The following SMCHD1 variants were observed in gnomAD, a reference collection of about 807,000 sequenced individuals.
The protein encoded by SMCHD1 is structural maintenance of chromosomes flexible hinge domain-containing protein 1.
SMCHD1 carries 78 observed loss-of-function variants against 254.7 expected under a neutral mutation model. That is an observed-to-expected ratio of 0.31 (90% CI 0.26 to 0.37). The LOEUF (loss-of-function observed/expected upper bound fraction) is 0.37, where lower values mean the gene tolerates loss of function less well. Ranked by LOEUF, SMCHD1 falls within the 10% of genes least tolerant of loss-of-function variation. The pLI is 1.00. For synonymous variants in SMCHD1, 766 were observed against 794.9 expected, an observed-to-expected ratio of 0.96 and a Z score of 0.61; for missense variants, 1,840 against 2,408.1, an observed-to-expected ratio of 0.76 and a Z score of 4.94.
At chr18:2,737,976 T>A (rs1007717055) in intron 25 of SMCHD1, among the ~76,000 whole-genome samples, 1 of 152,206 alleles carries the variant, frequency 6.6e-6, no homozygotes, top group Non-Finnish European at 1.5e-5. Context: ...TCAAACTTCT[T>A]TTTTCTCACC....
chr18:2,732,887 AACT>A (rs1184806662), intron 25 of SMCHD1, among the ~76,000 whole-genome samples: 1 of 152,220 alleles, frequency 6.6e-6, no homozygotes, highest in Non-Finnish European at 1.5e-5. Context: ...CAGTGTTGTT[AACT>A]ACAGAGCCTC....
chr18:2,723,621 A>G (rs1254577945), intron 20 of SMCHD1, among the ~76,000 whole-genome samples: 2 of 152,186 alleles, frequency 1.3e-5, no homozygotes, highest in East Asian at 1.9e-4. Context: ...GAGAGGTCTC[A>G]GTATCCATAT....
intron 3 of SMCHD1, among the ~76,000 whole-genome samples, chr18:2,670,794 G>T (rs1228879400): frequency 6.6e-6 from 1 of 151,280 alleles, no homozygotes; most frequent in African/African-American, 2.4e-5. Flanking sequence ...CCAACTACTC[G>T]AGAGGCTGAG....
intron 17 of SMCHD1, among the ~76,000 whole-genome samples, chr18:2,717,606 C>T (rs1403633993): frequency 2.6e-5 from 4 of 152,152 alleles, no homozygotes; most frequent in Admixed American, 2.0e-4. Flanking sequence ...TGAGCCACCA[C>T]GCTGGGCCTG....
intron 34 of SMCHD1, among the ~76,000 whole-genome samples, chr18:2,757,299 C>G (rs1598410418): frequency 6.6e-6 from 1 of 152,192 alleles, no homozygotes; most frequent in African/African-American, 2.4e-5. Context: ...CAGCCTTGAA[C>G]TCCTGGATTC....
intron 1 of SMCHD1, among the ~76,000 whole-genome samples, chr18:2,658,958 A>G (rs770767975): frequency 3.3e-5 from 5 of 151,848 alleles, no homozygotes; most frequent in Non-Finnish European, 7.4e-5. Context: ...ACACACATAT[A>G]TATATTTTTT....
chr18:2,757,495 G>A (rs1289641954), intron 34 of SMCHD1, among the ~76,000 whole-genome samples: 2 of 152,084 alleles, frequency 1.3e-5, no homozygotes. Flanking sequence ...TTACAGGCAT[G>A]AGCCACTGAG....
intron 39 of SMCHD1, among the ~76,000 whole-genome samples, chr18:2,770,768 ATG>A (rs2075964994): frequency 6.6e-6 from 1 of 152,132 alleles, no homozygotes; most frequent in Middle Eastern, 3.4e-3. Flanking sequence ...TTACAGGCAC[ATG>A]CCACCACGCC....
chr18:2,733,016 T>C (rs1175674488), intron 25 of SMCHD1, among the ~76,000 whole-genome samples: 1 of 152,218 alleles, frequency 6.6e-6, no homozygotes, highest in African/African-American at 2.4e-5. Flanking sequence ...CATTTGTACC[T>C]TGATAGGGTT....
intron 20 of SMCHD1, 30 bp from the exon 21 acceptor site, chr18:2,724,869 G>C: frequency 1.5e-6 from 2 of 1,364,934 alleles, no homozygotes; most frequent in Non-Finnish European, 2.0e-6. Context: ...GGCAATTGAG[G>C]GGAGTTAAAA....
At chr18:2,717,107 G>A (rs938505770) in intron 17 of SMCHD1, among the ~76,000 whole-genome samples, 1 of 152,166 alleles carries the variant, frequency 6.6e-6, no homozygotes, top group Non-Finnish European at 1.5e-5. Context: ...TGTGCAGCCC[G>A]CTGTGACTTA....
intron 17 of SMCHD1, among the ~76,000 whole-genome samples, chr18:2,714,690 C>T (rs567197044): frequency 2.6e-5 from 4 of 151,948 alleles, no homozygotes; most frequent in Non-Finnish European, 4.4e-5. Flanking sequence ...TAGTATTGAC[C>T]ATTTGTTTCC....
chr18:2,728,256 C>CAA, intron 22 of SMCHD1: 1 of 502,584 alleles, frequency 2.0e-6, no homozygotes, highest in Non-Finnish European at 3.5e-6. Flanking sequence ...GCATTTTATA[C>CAA]AATTGAGATA....
At chr18:2,703,574 T>C (rs2074450312) in intron 12 of SMCHD1, 118 bp from the exon 13 acceptor site, 1 of 757,604 alleles carries the variant, frequency 1.3e-6, no homozygotes, top group Non-Finnish European at 2.1e-6. Context: ...TTTAATTTTT[T>C]ATTAGGTTTT....
chr18:2,719,820 C>T (rs1255873714), intron 19 of SMCHD1, among the ~76,000 whole-genome samples: 2 of 152,030 alleles, frequency 1.3e-5, no homozygotes, highest in East Asian at 1.9e-4. Flanking sequence ...GGATTACAGG[C>T]GTATGCCACC....
At chr18:2,716,278 T>G (rs2074798078) in intron 17 of SMCHD1, among the ~76,000 whole-genome samples, 1 of 152,118 alleles carries the variant, frequency 6.6e-6, no homozygotes. Flanking sequence ...GTATGGACAA[T>G]TGTGGTAGTA....
At chr18:2,771,091 A>AAGTACTC (rs2075976415) in intron 39 of SMCHD1, among the ~76,000 whole-genome samples, 1 of 152,182 alleles carries the variant, frequency 6.6e-6, no homozygotes, top group South Asian at 2.1e-4. Flanking sequence ...GCTTGCCTCA[A>AAGTACTC]AGTACTCACT....
chr18:2,696,929 T>C (rs982051753), intron 8 of SMCHD1, 103 bp from the exon 9 acceptor site: 2 of 540,000 alleles, frequency 3.7e-6, no homozygotes, highest in Admixed American at 7.8e-5. Flanking sequence ...CTTAATAAAG[T>C]GCTTGATACC....
chr18:2,655,772 C>A lies in SMCHD1; in HGVS notation c.-304C>A, dbSNP rs2073032799. The A allele has an allele frequency of 4.0e-6, 1 of 251,740 alleles. No individual in the cohort carries two copies. Among genetic ancestry groups the A allele is most frequent in the Non-Finnish European group, 7.5e-6 (1 of 132,974 alleles). The allele number at this position is 251,740 out of a possible 1,614,324, so 15.6% of individuals were successfully genotyped here. A position where few individuals can be genotyped will look rare whatever the true frequency, so the allele number is the denominator to read the frequency against. On this transcript the variant is annotated 5_prime_UTR_variant, in exon 1 of 48. Transcript: ENST00000320876. ...GTCGCGGGTCGCACCGTGAGGCTCG[C>A]GTGGGCGGCGATAGGCGCTGGGCCC...
Sources: gnomAD v4.1 joint callset for allele counts (sites outside exome capture counted in the v4.1 genomes callset) on GRCh38, gnomAD v4.1.1 for gene constraint, MANE v1.5 for transcripts, NCBI Gene and HGNC (gene_info 2026-07-23, HGNC 2026-07-21) for gene names.